Variants in MAD2L1 observed in about 807,000 individuals in gnomAD.
The protein encoded by MAD2L1 is mitotic arrest deficient 2 like 1.
A neutral mutation model predicts 25.9 loss-of-function variants in MAD2L1; 10 were observed. That is an observed-to-expected ratio of 0.39 (90% CI 0.24 to 0.66). The LOEUF is 0.66. Ranked by LOEUF, MAD2L1 falls within the 30% of genes least tolerant of loss-of-function variation. MAD2L1 has a pLI of 0.49. For synonymous variants in MAD2L1, 81 were observed against 91.8 expected (o/e 0.88, Z 0.67); for missense variants, 180 against 246.4 (o/e 0.73, Z 1.80).
At chr4:120,065,005 G>T (rs1159304083) in intron 2 of MAD2L1, among the ~76,000 whole-genome samples, 1 of 152,058 alleles carries the variant, frequency 6.6e-6, no homozygotes, top group Non-Finnish European at 1.5e-5. Context: ...AAACTAACAG[G>T]AATTCTAGAA....
intron 3 of MAD2L1, among the ~76,000 whole-genome samples, chr4:120,061,247 A>G (rs1460935483): frequency 6.6e-6 from 1 of 152,176 alleles, no homozygotes; most frequent in African/African-American, 2.4e-5. Context: ...TCAGATGACT[A>G]GAAAATTTGC....
At position 120,066,842 on chromosome 4, in the gene MAD2L1, T is replaced by TGCTG; in HGVS notation, c.-109_-108insCAGC. ...GTTTCAAAAGTAACGACGCAGCACGTCGTCAGGTCCTTTGCGCAGGCGCGA... is the reference window on the plus strand; with the variant it reads ...GTTTCAAAAGTAACGACGCAGCACGTGCTGCGTCAGGTCCTTTGCGCAGGCGCGA... On this transcript the variant is annotated 5_prime_UTR_variant, in exon 1 of 5. Coordinates refer to ENST00000296509, the MANE Select transcript of MAD2L1 (RefSeq NM_002358.4). The TGCTG allele has an allele frequency of 1.3e-6, 1 of 785,962 alleles. No individual in the cohort carries two copies. The highest frequency in any genetic ancestry group is 2.1e-6 in the Non-Finnish European group (1 of 474,944). 48.7% of individuals were successfully genotyped at this position (785,962 alleles called of 1,614,324 possible). A position where few individuals can be genotyped will look rare whatever the true frequency, so the allele number is the denominator to read the frequency against.
chr4:120,056,399 C>T lies in MAD2L1; in HGVS notation c.*3719G>A, dbSNP rs991550856. The T allele has an allele frequency of 2.6e-5, 4 of 152,082 alleles. No homozygotes were observed. The highest frequency in any genetic ancestry group is 9.7e-5 in the African/African-American group (4 of 41,404). 9.4% of individuals were successfully genotyped at this position (152,082 alleles called of 1,614,324 possible). A position where few individuals can be genotyped will look rare whatever the true frequency, so the allele number is the denominator to read the frequency against. The stretch of plus-strand genomic sequence containing the variant: ...TCCAATAAGCTTACAGCCTTTAGAA[C>T]CAAAAGAAAGTCATCTTAATTTGAA... On this transcript the variant is annotated 3_prime_UTR_variant, in exon 5 of 5. Coordinates refer to ENST00000296509, the MANE Select transcript of MAD2L1 (RefSeq NM_002358.4).
intron 4 of MAD2L1, among the ~76,000 whole-genome samples, chr4:120,060,592 T>C (rs1053682731): frequency 2.0e-5 from 3 of 152,196 alleles, no homozygotes; most frequent in Non-Finnish European, 4.4e-5. Context: ...TATTAACTCT[T>C]ACTATGCTTA....
Position 120,059,085 on chromosome 4 carries a change from A to G in MAD2L1, c.*1033T>C, listed in dbSNP as rs147540277. On this transcript the variant is annotated 3_prime_UTR_variant, in exon 5 of 5. Transcript: ENST00000296509. The stretch of plus-strand genomic sequence containing the variant: ...TGAGGGTATTAATGAAAGCACAGGA[A>G]TAAGCATAGTATTTAAGTATATAAG... 2.6e-5 allele frequency: 4 copies of G among 152,344 alleles called. No individual in the cohort carries two copies. Among genetic ancestry groups the G allele is most frequent in the African/African-American group, 9.6e-5 (4 of 41,590 alleles). 9.4% of individuals were successfully genotyped at this position (152,344 alleles called of 1,614,324 possible).
At position 120,062,028 on chromosome 4, in the gene MAD2L1, G is replaced by A; in HGVS notation, c.288C>T (p.Val96=). 6.2e-7 allele frequency: 1 copy of A among 1,612,866 alleles called. No homozygotes were observed. Among genetic ancestry groups the A allele is most frequent in the Non-Finnish European group, 8.5e-7 (1 of 1,179,342 alleles). ...VVISNIESGE[V]LERWQFDIEC... ...CAATATCAAACTGCCATCTTTCCAGGACCTCACCACTTTCAATATTTGAGA... is the reference window on the plus strand; with the variant it reads ...CAATATCAAACTGCCATCTTTCCAGAACCTCACCACTTTCAATATTTGAGA... Residue 96 remains valine, a synonymous_variant, in exon 3 of 5, where the codon GTC becomes GTT. Coordinates refer to ENST00000296509, the MANE Select transcript of MAD2L1 (RefSeq NM_002358.4).
intron 2 of MAD2L1, 181 bp downstream of exon 2, chr4:120,065,491 C>T: frequency 2.0e-6 from 1 of 504,508 alleles, no homozygotes. Flanking sequence ...AATATTCAGC[C>T]CACTCACAAT....
intron 2 of MAD2L1, among the ~76,000 whole-genome samples, chr4:120,065,039 C>A (rs574258080): frequency 6.6e-6 from 1 of 152,240 alleles, no homozygotes; most frequent in South Asian, 2.1e-4. Flanking sequence ...CGATGAAGAA[C>A]AAGTATTCAC....
Position 120,060,982 on chromosome 4 carries a change from C to CA in MAD2L1, c.342-6dup, listed in dbSNP as rs3836711. 47,030 of 1,518,610 alleles carry CA rather than the reference C, an allele frequency of 0.031. 725 individuals are homozygous for CA. Among genetic ancestry groups the CA allele is most frequent in the Non-Finnish European group, 0.034 (37,770 of 1,104,054 alleles). The allele number at this position is 1,518,610 out of a possible 1,614,324, so 94.1% of individuals were successfully genotyped here. ...TGAGACTTTTCTCTGGGTGCACTGT[C>CA]AAAAAAAAATCAAATCAATTAATTC... On this transcript the variant is annotated splice_region_variant and splice_polypyrimidine_tract_variant and intron_variant, in intron 3 of 4. Transcript: ENST00000296509.
At chr4:120,066,093 C>T (rs1726310872) in intron 1 of MAD2L1, among the ~76,000 whole-genome samples, 1 of 151,680 alleles carries the variant, frequency 6.6e-6, no homozygotes, top group Non-Finnish European at 1.5e-5. Context: ...CATTGTAATC[C>T]AAGTCCAAAT....
rs988783596 is a variant in MAD2L1, at chr4:120,058,975, T to C, written c.*1143A>G. ...TTTACAAAATGAGGTCAGATTTAGATTAGAGATTAGAGAAGACTTTACAAA... is the reference window on the plus strand; with the variant it reads ...TTTACAAAATGAGGTCAGATTTAGACTAGAGATTAGAGAAGACTTTACAAA... On this transcript the variant is annotated 3_prime_UTR_variant, in exon 5 of 5. Transcript: ENST00000296509. The C allele has an allele frequency of 6.6e-6, 1 of 152,116 alleles. No homozygotes were observed. Among genetic ancestry groups the C allele is most frequent in the Admixed American group, 6.5e-5 (1 of 15,272 alleles). The allele number at this position is 152,116 out of a possible 1,614,324, so 9.4% of individuals were successfully genotyped here.
Position 120,066,750 on chromosome 4 carries a change from CA to C in MAD2L1, c.-17del. On this transcript the variant is annotated 5_prime_UTR_variant, in exon 1 of 5. Coordinates refer to ENST00000296509, the MANE Select transcript of MAD2L1 (RefSeq NM_002358.4). ...GCAGCGCCATGGCCAGGGACACAAA[CA>C]AAAGCACGCGCTTCCACTCCGCGGA... 6.3e-7 allele frequency: 1 copy of C among 1,583,680 alleles called. No individual in the cohort carries two copies. The highest frequency in any genetic ancestry group is 8.6e-7 in the Non-Finnish European group (1 of 1,156,916).
rs1464363451 is a variant in MAD2L1, at chr4:120,057,527, G to GATAC, written c.*2587_*2590dup. The GATAC allele has an allele frequency of 6.6e-6, 1 of 152,410 alleles. No homozygotes were observed. 9.4% of individuals were successfully genotyped at this position (152,410 alleles called of 1,614,324 possible). ...ACTGGGAAAAGGATCCTGAAAGCCAGATACAGTTCAGTTCCTCCTGGGCTC... is the reference window on the plus strand; with the variant it reads ...ACTGGGAAAAGGATCCTGAAAGCCAGATACATACAGTTCAGTTCCTCCTGGGCTC... On this transcript the variant is annotated 3_prime_UTR_variant, in exon 5 of 5. Coordinates refer to ENST00000296509, the MANE Select transcript of MAD2L1 (RefSeq NM_002358.4).
Position 120,061,007 on chromosome 4 carries a change from C to G in MAD2L1, c.342-30G>C, listed in dbSNP as rs781108252. The stretch of plus-strand genomic sequence containing the variant: ...CAAAAAAAAATCAAATCAATTAATT[C>G]ATTTCAGGTCTTAACAAATTATTTC... On this transcript the variant is annotated intron_variant, in intron 3 of 4. Transcript: ENST00000296509. 1.9e-5 allele frequency: 24 copies of G among 1,293,322 alleles called. No homozygotes were observed. In the East Asian group the frequency reaches 5.3e-4, roughly 29 times the overall value. 80.1% of individuals were successfully genotyped at this position (1,293,322 alleles called of 1,614,324 possible).
In MAD2L1 at chr4:120,055,883, C is replaced by T. The variant is rs1379162814; in HGVS notation, c.*4235G>A. 3.3e-5 allele frequency: 5 copies of T among 152,114 alleles called. No homozygotes were observed. The highest frequency in any genetic ancestry group is 4.1e-4 in the South Asian group (2 of 4,830). The allele number at this position is 152,114 out of a possible 1,614,324, so 9.4% of individuals were successfully genotyped here. A position where few individuals can be genotyped will look rare whatever the true frequency, so the allele number is the denominator to read the frequency against. Reference sequence around the variant, plus strand: ...AAAATCCTCTGTATTTGGTTCCTCCCAATCATTGGTCAAAGTCATCTGACA... The same window carrying T: ...AAAATCCTCTGTATTTGGTTCCTCCTAATCATTGGTCAAAGTCATCTGACA... On this transcript the variant is annotated 3_prime_UTR_variant, in exon 5 of 5. Transcript: ENST00000296509.
chr4:120,057,905 C>T lies in MAD2L1; in HGVS notation c.*2213G>A, dbSNP rs1235822470. The T allele has an allele frequency of 2.0e-5, 3 of 152,210 alleles. No homozygotes were observed. Among genetic ancestry groups the T allele is most frequent in the African/African-American group, 7.2e-5 (3 of 41,430 alleles). 9.4% of individuals were successfully genotyped at this position (152,210 alleles called of 1,614,324 possible). On this transcript the variant is annotated 3_prime_UTR_variant, in exon 5 of 5. Transcript: ENST00000296509. ...TGAGATGGAGCCTTGCTCTGTCGCC[C>T]AGGCTAGAGTACAGTGGCACGGTCT...
At position 120,058,255 on chromosome 4, in the gene MAD2L1, A is replaced by C. The variant is rs1726143423; in HGVS notation, c.*1863T>G. The C allele has an allele frequency of 6.6e-6, 1 of 152,262 alleles. No individual in the cohort carries two copies. Among genetic ancestry groups the C allele is most frequent in the African/African-American group, 2.4e-5 (1 of 41,464 alleles). The allele number at this position is 152,262 out of a possible 1,614,324, so 9.4% of individuals were successfully genotyped here. ...AACCTCAGAGTAAATAGTAGCATGC[A>C]AATGATACAAAAATCTAAGAATTTA... On this transcript the variant is annotated 3_prime_UTR_variant, in exon 5 of 5. Coordinates refer to ENST00000296509, the MANE Select transcript of MAD2L1 (RefSeq NM_002358.4).
chr4:120,063,288 C>T (rs970739279), intron 2 of MAD2L1, among the ~76,000 whole-genome samples: 2 of 152,108 alleles, frequency 1.3e-5, no homozygotes, highest in Non-Finnish European at 2.9e-5. Context: ...AAACACAGAA[C>T]GGGGGCTCAG....
rs372366391 is a variant in MAD2L1, at chr4:120,060,963, T to A, written c.356A>T (p.Lys119Met). 34 of 1,607,434 alleles carry A rather than the reference T, an allele frequency of 2.1e-5. No individual in the cohort carries two copies. The highest frequency in any genetic ancestry group is 2.8e-5 in the Non-Finnish European group (33 of 1,174,638). Residue 119 changes from lysine (K) to methionine (M), a missense_variant, in exon 4 of 5, where the codon AAG becomes ATG. Coordinates refer to ENST00000296509, the MANE Select transcript of MAD2L1 (RefSeq NM_002358.4). ...TTCATCCTGGATAGCTTTCTGAGAC[T>A]TTTCTCTGGGTGCACTGTCAAAAAA... ...TAKDDSAPRE[K>M]SQKAIQDEIR...
Sources: allele counts gnomAD v4.1 joint callset (sites outside exome capture counted in the v4.1 genomes callset), GRCh38; gene constraint gnomAD v4.1.1; transcripts MANE v1.5; gene names NCBI Gene and HGNC (gene_info 2026-07-23, HGNC 2026-07-21).